Variants in SNX31 observed in about 807,000 individuals in gnomAD.
SNX31 encodes the protein sorting nexin 31.
SNX31 carries 58 observed loss-of-function variants against 65.4 expected under a neutral mutation model. The ratio of observed to expected loss-of-function variants is 0.89; its 90% CI spans 0.72 to 1.10. SNX31 has a LOEUF of 1.10. SNX31 is among the 50% of genes least tolerant of loss of function. The pLI is 0.00. For synonymous variants in SNX31, 181 were observed against 190.1 expected, an observed-to-expected ratio of 0.95 and a Z score of 0.39; for missense variants, 523 against 529.7, an observed-to-expected ratio of 0.99 and a Z score of 0.12.
Position 100,596,652 on chromosome 8 carries a change from T to C in SNX31, c.965A>G (p.Gln322Arg). 6.2e-7 allele frequency: 1 copy of C among 1,614,150 alleles called. No homozygotes were observed. Among genetic ancestry groups the C allele is most frequent in the Non-Finnish European group, 8.5e-7 (1 of 1,180,002 alleles). Residue 322 changes from glutamine to arginine, a missense_variant, in exon 10 of 14, where the codon CAG becomes CGG. Gln to Arg is a conservative substitution (Grantham distance 43, BLOSUM62 1). Coordinates refer to ENST00000311812, the MANE Select transcript of SNX31 (RefSeq NM_152628.4). ...VFQMSRVKCW[Q>R]VTFLGTLLDT... ...CAAGATACTCACAAGGAAAGTGACC[T>C]GCCAGCACTTCACCCTGCTCATCTG...
In SNX31 at chr8:100,648,655, A is replaced by G. The variant is rs1819813205; in HGVS notation, c.141+619T>C. 1.3e-5 allele frequency among the ~76,000 whole-genome samples: 2 copies of G among 152,190 alleles called. No homozygotes were observed. On this transcript the variant is annotated intron_variant, in intron 2 of 13. Coordinates refer to ENST00000311812, the MANE Select transcript of SNX31 (RefSeq NM_152628.4). This position sits in a 1 kb window ranked among gnomAD's most constrained non-coding sequence, Gnocchi z 4.3. ...AGAACAATGAAACCCATTAGAGCAGACTAATAAATCAGTCTGCCTCCCAGA... is the reference window on the plus strand; with the variant it reads ...AGAACAATGAAACCCATTAGAGCAGGCTAATAAATCAGTCTGCCTCCCAGA...
intron 12 of SNX31, among the ~76,000 whole-genome samples, chr8:100,583,744 C>T (rs142163457): frequency 0.011 from 1,663 of 152,204 alleles, 19 homozygotes; most frequent in Middle Eastern, 0.02. Context: ...TAAGATCATC[C>T]CCACTGTGTT....
chr8:100,662,526 C>G (rs1384840729), intron 1 of SNX31, among the ~76,000 whole-genome samples: 1 of 152,046 alleles, frequency 6.6e-6, no homozygotes, highest in African/African-American at 2.4e-5. Flanking sequence ...GGTGAAAACC[C>G]GTCTCTACTA....
chr8:100,593,097 G>C (rs73272367), intron 10 of SNX31, among the ~76,000 whole-genome samples: 6,890 of 152,234 alleles, frequency 0.045, 554 homozygotes, highest in African/African-American at 0.16. Flanking sequence ...TTCTAAAATT[G>C]ATTGTGGTGA....
intron 2 of SNX31, among the ~76,000 whole-genome samples, chr8:100,640,242 C>T (rs574276431): frequency 3.1e-4 from 47 of 152,278 alleles, no homozygotes; most frequent in African/African-American, 1.1e-3. Flanking sequence ...ATTCTCCTGC[C>T]TCGCCTCCCG....
In SNX31 at chr8:100,614,333, C is replaced by T. The variant is rs1816983538; in HGVS notation, c.433-1248G>A. 1.3e-5 allele frequency among the ~76,000 whole-genome samples: 2 copies of T among 152,122 alleles called. No individual in the cohort carries two copies. The highest frequency in any genetic ancestry group is 4.8e-5 in the African/African-American group (2 of 41,416). ...AGATTTCCTTCTTTTCTGTCTAATT[C>T]AGGGAAAACAACAAGCTTACATGCC... On this transcript the variant is annotated intron_variant, in intron 5 of 13. Transcript: ENST00000311812. The surrounding 1 kb of genome is among the most constrained non-coding windows in gnomAD (Gnocchi z 5.1).
At chr8:100,585,618 T>C (rs1177735181) in intron 11 of SNX31, among the ~76,000 whole-genome samples, 1 of 152,144 alleles carries the variant, frequency 6.6e-6, no homozygotes, top group East Asian at 1.9e-4. Flanking sequence ...TTGAAAGAAT[T>C]AACAGATGGG....
intron 1 of SNX31, among the ~76,000 whole-genome samples, chr8:100,659,975 A>G (rs891471764): frequency 1.3e-5 from 2 of 152,220 alleles, no homozygotes; most frequent in Admixed American, 6.5e-5. Context: ...TCATTTCTCT[A>G]TATAATGAAA....
At chr8:100,650,851 T>TG (rs1819946323), upstream of SNX31, among the ~76,000 whole-genome samples, 2 of 42,876 alleles carry the variant, frequency 4.7e-5, no homozygotes, top group African/African-American at 6.3e-4. Context: ...TGTTTTTTTG[T>TG]TTTTTTTTTT....
Position 100,656,294 on chromosome 8 carries a change from C to T in SNX31, c.-58+6848G>A, listed in dbSNP as rs971781524. On this transcript the variant is annotated intron_variant, in intron 1 of 5. Transcript: ENST00000520352. ...GTACTTTCCTTCCTTTTTTTCTTTC[C>T]TTACTGTTCTAAAGATTTTAAAGAA... Among the ~76,000 whole-genome samples the T allele has an allele frequency of 2.0e-5, 3 of 151,786 alleles. No individual in the cohort carries two copies. In the East Asian group the frequency reaches 5.8e-4, roughly 29 times the overall value.
Position 100,625,907 on chromosome 8 carries a change from A to G in SNX31, c.321+4420T>C, listed in dbSNP as rs946505312. 6.6e-6 allele frequency among the ~76,000 whole-genome samples: 1 copy of G among 152,262 alleles called. No individual in the cohort carries two copies. Among genetic ancestry groups the G allele is most frequent in the Non-Finnish European group, 1.5e-5 (1 of 68,012 alleles). On this transcript the variant is annotated intron_variant, in intron 4 of 13. Coordinates refer to ENST00000311812, the MANE Select transcript of SNX31 (RefSeq NM_152628.4). The surrounding 1 kb of genome is among the most constrained non-coding windows in gnomAD (Gnocchi z 4.2). Reference sequence around the variant, plus strand: ...CAGCATGGCTGGGGAAAGAAAAGGGACTGGCATTAAGATTTTGCTTTTTAA... The same window carrying G: ...CAGCATGGCTGGGGAAAGAAAAGGGGCTGGCATTAAGATTTTGCTTTTTAA...
In SNX31 at chr8:100,610,069, C is replaced by T. The variant is rs1256699141; in HGVS notation, c.612-1506G>A. The stretch of plus-strand genomic sequence containing the variant: ...GCAAGGCACCTGCAGGAGCCTATGC[C>T]AGAATCTCCCCTCCAGAGACCTGAT... On this transcript the variant is annotated intron_variant, in intron 7 of 13. Coordinates refer to ENST00000311812, the MANE Select transcript of SNX31 (RefSeq NM_152628.4). This position sits in a 1 kb window ranked among gnomAD's most constrained non-coding sequence, Gnocchi z 4.0. Among the ~76,000 whole-genome samples the T allele has an allele frequency of 6.6e-6, 1 of 152,224 alleles. No individual in the cohort carries two copies. Among genetic ancestry groups the T allele is most frequent in the East Asian group, 1.9e-4 (1 of 5,198 alleles).
intron 1 of SNX31, among the ~76,000 whole-genome samples, chr8:100,656,544 G>A (rs1254860658): frequency 1.3e-5 from 2 of 150,054 alleles, no homozygotes; most frequent in Non-Finnish European, 2.9e-5. Context: ...GGGAGGCCAA[G>A]GCGGGAGAAT....
chr8:100,624,834 C>T (rs1467436044), intron 4 of SNX31, among the ~76,000 whole-genome samples: 1 of 151,938 alleles, frequency 6.6e-6, no homozygotes, highest in Non-Finnish European at 1.5e-5. Flanking sequence ...CAGGGTCTTG[C>T]TCTGTTTCCC....
chr8:100,627,681 G>A (rs1319202740), intron 4 of SNX31, among the ~76,000 whole-genome samples: 1 of 152,102 alleles, frequency 6.6e-6, no homozygotes, highest in African/African-American at 2.4e-5. Flanking sequence ...TGGGATTGCA[G>A]GCATGCACCA....
In SNX31 at chr8:100,608,752, G is replaced by C. The variant is rs566066248; in HGVS notation, c.612-189C>G. Among the ~76,000 whole-genome samples, 5 of 152,138 alleles carry C rather than the reference G, an allele frequency of 3.3e-5. 1 individual carries two copies. Among genetic ancestry groups the C allele is most frequent in the African/African-American group, 1.2e-4 (5 of 41,490 alleles). On this transcript the variant is annotated intron_variant, in intron 7 of 13. Coordinates refer to ENST00000311812, the MANE Select transcript of SNX31 (RefSeq NM_152628.4). ...TTTCGTTTCCTAATTTCTTTACACC[G>C]TAAGCTCTTGCCTGGAGGGCTCTAA...
rs1222469404 is a variant in SNX31, at chr8:100,613,081, A to G, written c.437T>C (p.Val146Ala). The G allele has an allele frequency of 6.2e-7, 1 of 1,613,772 alleles. No individual in the cohort carries two copies. Among genetic ancestry groups the G allele is most frequent in the Non-Finnish European group, 8.5e-7 (1 of 1,179,734 alleles). Residue 146 changes from valine to alanine, a missense_variant, in exon 6 of 14, where the codon GTG becomes GCG. Transcript: ENST00000311812. This position sits in a 1 kb window ranked among gnomAD's most constrained non-coding sequence, Gnocchi z 5.2. ...TCGACACAGTCCAATTTTGTGTGAC[A>G]CCACCTTTAACCAGAAACAAGCAGA... ...SDTAERVLEVVSHKIGLCREL... is the reference protein window; with the variant it reads ...SDTAERVLEVASHKIGLCREL...
chr8:100,608,096 C>T (rs7832797), intron 8 of SNX31, among the ~76,000 whole-genome samples: 3 of 152,340 alleles, frequency 2.0e-5, no homozygotes, highest in East Asian at 1.9e-4. Flanking sequence ...TGGATTGTTA[C>T]AATGGAGATA....
chr8:100,657,507 G>T (rs984660294), intron 1 of SNX31, among the ~76,000 whole-genome samples: 2 of 151,844 alleles, frequency 1.3e-5, no homozygotes, highest in Non-Finnish European at 2.9e-5. Flanking sequence ...AGGGAAGGGA[G>T]CCCCGAGGCT....
Sources: gnomAD v4.1 joint callset for allele counts (sites outside exome capture counted in the v4.1 genomes callset) on GRCh38, gnomAD v4.1.1 for gene constraint, Gnocchi (gnomAD v3.1) non-coding constraint, MANE v1.5 for transcripts, NCBI Gene and HGNC (gene_info 2026-07-23, HGNC 2026-07-21) for gene names.